Variants in BSN observed in about 807,000 individuals in gnomAD.
The protein encoded by BSN is protein bassoon.
Under a neutral mutation model 264.8 loss-of-function variants are expected in BSN, and 57 were observed. That is an observed-to-expected ratio of 0.22 (90% CI 0.17 to 0.27). The LOEUF (loss-of-function observed/expected upper bound fraction) is 0.27, where lower values mean the gene tolerates loss of function less well. Among genes scored for constraint, BSN ranks in the 10% least tolerant of loss-of-function variants. BSN has a pLI of 1.00. For missense variants in BSN, 4,615 were observed against 5,232.5 expected (o/e 0.88, Z 3.64); for synonymous variants, 2,059 against 2,137.3 (o/e 0.96, Z 1.01).
In BSN at chr3:49,651,586, C is replaced by T. The variant is rs566945528; in HGVS notation, c.2030C>T (p.Pro677Leu). 19 of 1,609,158 alleles carry T rather than the reference C, an allele frequency of 1.2e-5. 1 individual carries two copies. The East Asian group carries it at 1.3e-4, about 11-fold the overall frequency. The change falls in exon 5 of 12, where the codon CCA becomes CTA. Residue 677 changes from proline to leucine, a missense_variant. Around this residue, in one of 3 missense-constraint regions of BSN, gnomAD observed 1,197 missense variants for 1,348.0 expected, o/e 0.89. Transcript: ENST00000296452. This position sits in a 1 kb window ranked among gnomAD's most constrained non-coding sequence, Gnocchi z 5.4. ...TACTCTCAGGATGCGTCTCGGAGCCCACAGAGCCTCAGTGACACAGGCTAT... is the reference window on the plus strand; with the variant it reads ...TACTCTCAGGATGCGTCTCGGAGCCTACAGAGCCTCAGTGACACAGGCTAT... ...KPYSQDASRSPQSLSDTGYSS... is the reference protein window; with the variant it reads ...KPYSQDASRSLQSLSDTGYSS...
intron 1 of BSN, among the ~76,000 whole-genome samples, chr3:49,613,303 C>CAAGAGAGAGAGAGAGAGAGAGAGAGAGA (rs2052223343): frequency 2.3e-4 from 11 of 47,330 alleles, no homozygotes; most frequent in Admixed American, 3.7e-4. Flanking sequence ...ACACACAGAG[C>CAAGAGAGAGAGAGAGAGAGAGAGAGAGA]GAGAGAGAGA....
Position 49,652,695 on chromosome 3 carries a change from C to T in BSN, c.3139C>T (p.Arg1047Trp), listed in dbSNP as rs759186312. The T allele has an allele frequency of 3.8e-6, 6 of 1,576,412 alleles. No homozygotes were observed. The highest frequency in any genetic ancestry group is 2.2e-5 in the East Asian group (1 of 44,528). ...GGACTCCTCAGAGGAGGAGGAGCTG[C>T]GGGAGGAAGAGGAGCTGCTTCGTGA... is the stretch of plus-strand genomic sequence containing the variant. ...IEDSSEEEEL[R>W]EEEELLREQE... is the part of the protein sequence containing the mutation. The change falls in exon 5 of 12, where the codon CGG (arginine) becomes TGG (tryptophan). Residue 1047 changes from arginine (R) to tryptophan (W), a missense_variant. Physicochemically the swap from Arg to Trp is moderately radical, Grantham distance 101. Transcript: ENST00000296452.
In BSN at chr3:49,656,040, G is replaced by A; in HGVS notation, c.6484G>A (p.Gly2162Arg). The A allele has an allele frequency of 1.9e-6, 3 of 1,603,044 alleles. No individual in the cohort carries two copies. The highest frequency in any genetic ancestry group is 2.6e-6 in the Non-Finnish European group (3 of 1,174,226). ...PTFPEGHPSP[G>R]NLAQYGPAAG... ...CTTTCCAGAGGGCCACCCAAGTCCT[G>A]GGAACTTGGCCCAGTATGGGCCTGC... Residue 2162 changes from glycine (G) to arginine (R), a missense_variant, in exon 5 of 12, where the codon GGG becomes AGG. By Grantham distance (125) the Gly-to-Arg change is moderately radical. This residue lies in a region of BSN where 3,415 missense variants were observed against 3,866.4 expected (regional missense o/e 0.88). Transcript: ENST00000296452.
At chr3:49,566,788 GA>G (rs36043715) in intron 1 of BSN, among the ~76,000 whole-genome samples, 38,300 of 86,084 alleles carry the variant, frequency 0.44, 7,139 homozygotes, top group East Asian at 0.88. Flanking sequence ...TGTGTTTCAG[GA>G]AAAAAAAAAA....
chr3:49,609,924 A>C (rs1268486270), intron 1 of BSN, among the ~76,000 whole-genome samples: 1 of 152,190 alleles, frequency 6.6e-6, no homozygotes, highest in Non-Finnish European at 1.5e-5. Context: ...GCTACCACAC[A>C]GAGCCTCTGC....
chr3:49,645,287 TGTCCCCAGAG>T, intron 3 of BSN, among the ~76,000 whole-genome samples: 1 of 152,308 alleles, frequency 6.6e-6, no homozygotes, highest in Non-Finnish European at 1.5e-5. Flanking sequence ...TCAATGCTGC[TGTCCCCAGAG>T]GGCCTGCAGC....
Position 49,657,612 on chromosome 3 carries a change from C to G in BSN, c.8056C>G (p.Pro2686Ala). 6.2e-7 allele frequency: 1 copy of G among 1,607,102 alleles called. No individual in the cohort carries two copies. The highest frequency in any genetic ancestry group is 8.5e-7 in the Non-Finnish European group (1 of 1,175,582). The change falls in exon 5 of 12, where the codon CCA becomes GCA. Residue 2686 changes from proline to alanine, a missense_variant. Coordinates refer to ENST00000296452, the MANE Select transcript of BSN (RefSeq NM_003458.4). Reference protein sequence around the residue: ...TEPDQLPRVSPAIHITAATDP... With the variant: ...TEPDQLPRVSAAIHITAATDP... ...GCCTGACCAGCTGCCCAGGGTCTCT[C>G]CAGCCATCCACATCACAGCTGCCAC...
chr3:49,621,100 G>C (rs1160755718), intron 1 of BSN, among the ~76,000 whole-genome samples: 2 of 152,178 alleles, frequency 1.3e-5, no homozygotes, highest in Non-Finnish European at 2.9e-5. Flanking sequence ...CGGCACCAAG[G>C]GGGAGACTAG....
chr3:49,604,869 A>G (rs1423682894), intron 1 of BSN, among the ~76,000 whole-genome samples: 1 of 150,390 alleles, frequency 6.6e-6, no homozygotes, highest in Non-Finnish European at 1.5e-5. Context: ...GCTGCTCCCT[A>G]CCTGCAATCC....
At chr3:49,576,169 C>T (rs1329849030) in intron 1 of BSN, among the ~76,000 whole-genome samples, 2 of 151,748 alleles carry the variant, frequency 1.3e-5, no homozygotes, top group Non-Finnish European at 2.9e-5. Context: ...CCAAGTAAAC[C>T]ACTATATCTT....
downstream of BSN, among the ~76,000 whole-genome samples, chr3:49,673,087 CTTTTTTTTT>C (rs71080543): frequency 1.1e-3 from 48 of 43,220 alleles, 1 homozygote; most frequent in South Asian, 0.014. Context: ...CCGGCCGGGA[CTTTTTTTTT>C]TTTTTTTTTT....
intron 1 of BSN, among the ~76,000 whole-genome samples, chr3:49,572,004 C>T (rs2051800356): frequency 6.6e-6 from 1 of 152,150 alleles, no homozygotes. Context: ...CATTTAGCCC[C>T]TGCTGTGTAT....
At chr3:49,605,466 TATA>T (rs2052111707) in intron 1 of BSN, among the ~76,000 whole-genome samples, 1 of 14,970 alleles carries the variant, frequency 6.7e-5, no homozygotes, top group African/African-American at 2.7e-4. Flanking sequence ...ATATATTATA[TATA>T]ATATATATTA....
At chr3:49,613,448 G>T (rs908315903) in intron 1 of BSN, among the ~76,000 whole-genome samples, 1 of 151,342 alleles carries the variant, frequency 6.6e-6, no homozygotes, top group Non-Finnish European at 1.5e-5. Context: ...TGTAAACCCA[G>T]AATTTATATC....
At chr3:49,611,767 A>G (rs2052208405) in intron 1 of BSN, among the ~76,000 whole-genome samples, 1 of 152,164 alleles carries the variant, frequency 6.6e-6, no homozygotes, top group Non-Finnish European at 1.5e-5. Context: ...TTCTCAGAGA[A>G]ATGTCAATGT....
intron 1 of BSN, among the ~76,000 whole-genome samples, chr3:49,594,513 T>C (rs1171976278): frequency 1.3e-5 from 2 of 152,248 alleles, no homozygotes; most frequent in Non-Finnish European, 2.9e-5. Flanking sequence ...GAATTCTCTA[T>C]TCTAAATCCT....
At position 49,663,479 on chromosome 3, in the gene BSN, G is replaced by A. The variant is rs200949503; in HGVS notation, c.11321G>A (p.Arg3774His). ...CAAATACCCTCTGGGGCAGCATCAC[G>A]CCAGCCACAGACACAGCAGCAGCAG... ...SRQIPSGAASRQPQTQQQQQG... is the reference protein window; with the variant it reads ...SRQIPSGAASHQPQTQQQQQG... Residue 3774 changes from arginine (R) to histidine (H), a missense_variant, in exon 7 of 12, where the codon CGC becomes CAC. Arg to His is a conservative substitution (Grantham distance 29). Around this residue, in one of 3 missense-constraint regions of BSN, gnomAD observed 3,415 missense variants for 3,866.4 expected, o/e 0.88. Coordinates refer to ENST00000296452, the MANE Select transcript of BSN (RefSeq NM_003458.4). 4 of 1,611,382 alleles carry A rather than the reference G, an allele frequency of 2.5e-6. No individual in the cohort carries two copies. Among genetic ancestry groups the A allele is most frequent in the African/African-American group, 2.7e-5 (2 of 74,922 alleles).
Position 49,585,963 on chromosome 3 carries a change from A to G in BSN, c.224+31137A>G, listed in dbSNP as rs1307753361. ...TGATCGGATTATTAGATTTTTTTCT[A>G]TATAGTTGTTTGAGCTCCTTATATA... On this transcript the variant is annotated intron_variant, in intron 1 of 11. Transcript: ENST00000296452. This position sits in a 1 kb window ranked among gnomAD's most constrained non-coding sequence, Gnocchi z 4.7. Among the ~76,000 whole-genome samples the G allele has an allele frequency of 6.6e-6, 1 of 152,058 alleles. No homozygotes were observed. The highest frequency in any genetic ancestry group is 1.9e-4 in the East Asian group (1 of 5,192).
Position 49,654,427 on chromosome 3 carries a change from A to G in BSN, c.4871A>G (p.Asp1624Gly), listed in dbSNP as rs1397100401. ...CCACGGGTGCCCAGTGCTGGTGCAG[A>G]TGGGCCCCTGGCACTATATGGCTGG... is the stretch of plus-strand genomic sequence containing the variant. The part of the protein sequence containing the change: ...GFPRVPSAGA[D>G]GPLALYGWGA... Residue 1624 changes from aspartate to glycine, a missense_variant, in exon 5 of 12, where the codon GAT becomes GGT. Coordinates refer to ENST00000296452, the MANE Select transcript of BSN (RefSeq NM_003458.4). The surrounding 1 kb of genome is among the most constrained non-coding windows in gnomAD (Gnocchi z 4.1). 2 of 1,600,386 alleles carry G rather than the reference A, an allele frequency of 1.2e-6. No individual in the cohort carries two copies. The highest frequency in any genetic ancestry group is 8.5e-7 in the Non-Finnish European group (1 of 1,174,138).
Sources: gnomAD v4.1 joint callset for allele counts (sites outside exome capture counted in the v4.1 genomes callset) on GRCh38, gnomAD v4.1.1 for gene constraint, gnomAD v4.1.1 regional missense constraint, Gnocchi (gnomAD v3.1) non-coding constraint, MANE v1.5 for transcripts, NCBI Gene and HGNC (gene_info 2026-07-23, HGNC 2026-07-21) for gene names.